The following BLTP1 variants were observed in gnomAD, a reference collection of about 807,000 sequenced individuals.
BLTP1 encodes bridge-like lipid transfer protein family member 1, also known as fragile site-associated protein.
At chr4:122,340,920 C>T in the BLTP1 span, 1 of 746,450 alleles carries the variant, frequency 1.3e-6, no homozygotes, top group Non-Finnish European at 1.6e-6. Flanking sequence ...TACAACATTT[C>T]TGTAGTGATA....
chr4:122,248,829 C>T, the BLTP1 span, among the ~76,000 whole-genome samples: 1 of 151,934 alleles, frequency 6.6e-6, no homozygotes, highest in Non-Finnish European at 1.5e-5. Flanking sequence ...CTCTAAAGGG[C>T]TAGAGTGCAG....
At chr4:122,279,343 T>TA in the BLTP1 span, among the ~76,000 whole-genome samples, 2 of 152,180 alleles carry the variant, frequency 1.3e-5, no homozygotes, top group Non-Finnish European at 2.9e-5. Flanking sequence ...TCATCAACAT[T>TA]GTCTTGTCCC....
At chr4:122,273,273 T>C in the BLTP1 span, 1 of 975,246 alleles carries the variant, frequency 1.0e-6, no homozygotes, top group Non-Finnish European at 1.2e-6. Context: ...ACCTGTTTTG[T>C]ACCCTAAACA....
the BLTP1 span, among the ~76,000 whole-genome samples, chr4:122,156,859 G>C: frequency 6.6e-6 from 1 of 152,142 alleles, no homozygotes; most frequent in Non-Finnish European, 1.5e-5. Context: ...GGGTACTTTA[G>C]GTAGACTTCT....
chr4:122,326,165 A>C, the BLTP1 span, among the ~76,000 whole-genome samples: 2 of 151,838 alleles, frequency 1.3e-5, no homozygotes, highest in South Asian at 4.1e-4. Context: ...TCATAAAAAA[A>C]ACTACAATTT....
At chr4:122,211,683 AT>A in the BLTP1 span, among the ~76,000 whole-genome samples, 1 of 152,108 alleles carries the variant, frequency 6.6e-6, no homozygotes, top group African/African-American at 2.4e-5. Flanking sequence ...TTTTGGTATA[AT>A]TTTTTCCACT....
At chr4:122,293,555 G>T in the BLTP1 span, among the ~76,000 whole-genome samples, 4 of 151,916 alleles carry the variant, frequency 2.6e-5, no homozygotes, top group East Asian at 7.8e-4. Flanking sequence ...CTACCACCAG[G>T]GCCTTGGGTC....
At chr4:122,234,029 A>G in the BLTP1 span, 1 of 152,294 alleles carries the variant, frequency 6.6e-6, no homozygotes, top group Non-Finnish European at 1.5e-5. Flanking sequence ...GCTTAGAAAA[A>G]TAGACTGTAA....
At chr4:122,171,913 T>G in the BLTP1 span, 12 of 985,254 alleles carry the variant, frequency 1.2e-5, no homozygotes, top group Non-Finnish European at 1.3e-5. Flanking sequence ...CTGGCTTGTT[T>G]AATATTGAAA....
the BLTP1 span, chr4:122,281,393 G>A: frequency 1.8e-5 from 24 of 1,328,046 alleles, 1 homozygote; most frequent in East Asian, 2.0e-4. Context: ...GTTTTAGAAA[G>A]TCTGAATATG....
the BLTP1 span, among the ~76,000 whole-genome samples, chr4:122,164,759 A>AT: frequency 2.5e-3 from 364 of 145,972 alleles, no homozygotes; most frequent in Middle Eastern, 0.01. Flanking sequence ...CATTTATTTT[A>AT]TTTTTTTTTT....
At chr4:122,224,492 T>G in the BLTP1 span, 1 of 1,608,890 alleles carries the variant, frequency 6.2e-7, no homozygotes, top group Non-Finnish European at 8.5e-7. Flanking sequence ...TCATTATTGT[T>G]TTCAGCAGCG....
the BLTP1 span, chr4:122,247,113 T>G: frequency 6.4e-7 from 1 of 1,566,834 alleles, no homozygotes; most frequent in Non-Finnish European, 8.8e-7. Context: ...CTCTGAACTG[T>G]ATTATTTAAA....
the BLTP1 span, among the ~76,000 whole-genome samples, chr4:122,264,816 T>C: frequency 2.6e-5 from 4 of 152,148 alleles, no homozygotes; most frequent in African/African-American, 7.2e-5. Flanking sequence ...TGTAGAAATA[T>C]TATATGAGTA....
chr4:122,301,593 T>C, the BLTP1 span, among the ~76,000 whole-genome samples: 7 of 152,178 alleles, frequency 4.6e-5, no homozygotes, highest in African/African-American at 1.7e-4. Context: ...AGTATTTTTA[T>C]ATATGCATAT....
At chr4:122,336,820 T>C in the BLTP1 span, 1 of 1,507,070 alleles carries the variant, frequency 6.6e-7, no homozygotes, top group East Asian at 2.3e-5. Context: ...ACAATAAGGA[T>C]CTTTTAATAA....
chr4:122,211,068 T>C, the BLTP1 span: 1 of 1,612,656 alleles, frequency 6.2e-7, no homozygotes, highest in African/African-American at 1.3e-5. Flanking sequence ...TCTATGGACC[T>C]CTACTAAATG....
the BLTP1 span, among the ~76,000 whole-genome samples, chr4:122,241,309 C>G: frequency 6.6e-6 from 1 of 152,096 alleles, no homozygotes; most frequent in Non-Finnish European, 1.5e-5. Context: ...GAGAGACTTG[C>G]TCGTAATGAG....
At chr4:122,237,298 C>G in the BLTP1 span, 2 of 985,352 alleles carry the variant, frequency 2.0e-6, no homozygotes, top group South Asian at 4.7e-5. Flanking sequence ...CCCCCAGCCC[C>G]TCAGTTTATA....
Sources: allele counts gnomAD v4.1 joint callset (sites outside exome capture counted in the v4.1 genomes callset), GRCh38; gene constraint gnomAD v4.1.1; transcripts MANE v1.5; gene names NCBI Gene and HGNC (gene_info 2026-07-23, HGNC 2026-07-21).